The following EYS variants were observed in gnomAD, a reference collection of about 807,000 sequenced individuals.
EYS encodes EGF-like photoreceptor maintenance factor.
In EYS, 250 loss-of-function variants were observed where a neutral mutation model predicts 282.1. The ratio of observed to expected loss-of-function variants is 0.89; its 90% confidence interval spans 0.80 to 0.98. The LOEUF (loss-of-function observed/expected upper bound fraction) is 0.98. Ranked by LOEUF, EYS falls within the 50% of genes least tolerant of loss-of-function variation. The probability of loss-of-function intolerance (pLI) is 0.00; values close to 1 mark genes in which losing one functional copy is unlikely to be tolerated. For missense variants in EYS, 4,016 were observed against 3,709.0 expected, an observed-to-expected ratio of 1.08 and a Z score of -2.15; for synonymous variants, 1,355 against 1,282.9, an observed-to-expected ratio of 1.06 and a Z score of -1.20.
chr6:65,383,534 T>A (rs1385382713), intron 8 of EYS, among the ~76,000 whole-genome samples: 1 of 151,754 alleles, frequency 6.6e-6, no homozygotes, highest in East Asian at 1.9e-4. Context: ...TTATTTATTC[T>A]ATCTTCATGT....
chr6:64,457,111 A>C (rs945694265), intron 26 of EYS, among the ~76,000 whole-genome samples: 1 of 151,874 alleles, frequency 6.6e-6, no homozygotes, highest in South Asian at 2.1e-4. Flanking sequence ...ACTTCCTTTC[A>C]ATTTATTTAT....
At chr6:65,455,597 A>G (rs1764571306) in intron 5 of EYS, among the ~76,000 whole-genome samples, 1 of 152,148 alleles carries the variant, frequency 6.6e-6, no homozygotes, top group Non-Finnish European at 1.5e-5. Flanking sequence ...GAAATACAAA[A>G]GGAGATGTGA....
intron 22 of EYS, among the ~76,000 whole-genome samples, chr6:64,770,516 A>T (rs1041917668): frequency 6.6e-6 from 1 of 152,078 alleles, no homozygotes; most frequent in African/African-American, 2.4e-5. Flanking sequence ...TCACCAGTGT[A>T]CTTTAATAGA....
intron 22 of EYS, among the ~76,000 whole-genome samples, chr6:64,706,513 A>G (rs1156801932): frequency 6.6e-6 from 1 of 152,170 alleles, no homozygotes; most frequent in African/African-American, 2.4e-5. Flanking sequence ...TAATCAGTAG[A>G]CTAAATAGAC....
intron 12 of EYS, among the ~76,000 whole-genome samples, chr6:65,228,347 C>A (rs1766682372): frequency 6.6e-6 from 1 of 151,932 alleles, no homozygotes; most frequent in Admixed American, 6.6e-5. Context: ...TACATGTGTT[C>A]CACATGGTTA....
chr6:64,770,246 T>C (rs769411143), intron 22 of EYS, among the ~76,000 whole-genome samples: 28 of 151,908 alleles, frequency 1.8e-4, no homozygotes, highest in Admixed American at 4.6e-4. Context: ...ATATTTCAGG[T>C]GGAAAGGATA....
intron 14 of EYS, among the ~76,000 whole-genome samples, chr6:64,970,208 C>T (rs184373131): frequency 6.6e-6 from 1 of 151,740 alleles, no homozygotes; most frequent in African/African-American, 2.4e-5. Flanking sequence ...TATGTAGATA[C>T]TAGTTTATCG....
At chr6:65,292,833 G>A (rs1768563726) in intron 12 of EYS, among the ~76,000 whole-genome samples, 1 of 151,678 alleles carries the variant, frequency 6.6e-6, no homozygotes, top group Admixed American at 6.6e-5. Context: ...GTTTTGTGTT[G>A]CCAAGGTAAC....
intron 24 of EYS, among the ~76,000 whole-genome samples, chr6:64,602,678 T>A (rs576356926): frequency 2.8e-4 from 42 of 152,012 alleles, no homozygotes; most frequent in Admixed American, 4.6e-4. Flanking sequence ...AATTTAGCAA[T>A]TTGAAAACTA....
At chr6:64,297,998 AAT>A (rs1248538442) in intron 30 of EYS, among the ~76,000 whole-genome samples, 8 of 149,996 alleles carry the variant, frequency 5.3e-5, no homozygotes, top group African/African-American at 2.0e-4. Flanking sequence ...AAAAAAAAAA[AAT>A]TAGGTAGAAA....
chr6:64,959,992 T>C (rs1383253055), intron 14 of EYS, among the ~76,000 whole-genome samples: 3 of 151,900 alleles, frequency 2.0e-5, no homozygotes, highest in Non-Finnish European at 4.4e-5. Context: ...GAGAGAAATT[T>C]GTATTACTGA....
intron 2 of EYS, among the ~76,000 whole-genome samples, chr6:65,638,892 G>C (rs919963219): frequency 6.6e-6 from 1 of 152,202 alleles, no homozygotes; most frequent in Non-Finnish European, 1.5e-5. Context: ...GAGGTTTCCA[G>C]CTGGAAAAGC....
At chr6:65,124,122 T>C (rs1775648966) in intron 12 of EYS, among the ~76,000 whole-genome samples, 1 of 152,000 alleles carries the variant, frequency 6.6e-6, no homozygotes, top group Admixed American at 6.6e-5. Context: ...GCAATCAGCC[T>C]AGATTGTACC....
intron 10 of EYS, among the ~76,000 whole-genome samples, chr6:65,340,740 GTGT>G (rs1429236069): frequency 1.3e-5 from 2 of 151,130 alleles, no homozygotes. Flanking sequence ...CTCTACTAAG[GTGT>G]TGTTTTCCCT....
At chr6:64,095,263 C>A (rs148265861) in intron 31 of EYS, among the ~76,000 whole-genome samples, 14 of 152,246 alleles carry the variant, frequency 9.2e-5, no homozygotes, top group East Asian at 3.9e-4. Flanking sequence ...GTAGATGTCT[C>A]TTAGGTCCAT....
chr6:64,768,763 C>A lies in EYS; in HGVS notation c.3443+44615G>T, dbSNP rs192293016. Among the ~76,000 whole-genome samples, 7 of 152,234 alleles carry A rather than the reference C, an allele frequency of 4.6e-5. No individual in the cohort carries two copies. In the East Asian group the frequency reaches 1.4e-3, roughly 29 times the overall value. ...AAAATCAGTTTTCCATGAACCACCT[C>A]AATGAGCAAAGCCCTGACTGCTAGA... is the stretch of plus-strand genomic sequence containing the variant. On this transcript the variant is annotated intron_variant, in intron 22 of 42. Coordinates refer to ENST00000503581, the MANE Select transcript of EYS (RefSeq NM_001142800.2).
At chr6:65,104,543 T>C (rs1327032384) in intron 12 of EYS, among the ~76,000 whole-genome samples, 2 of 151,450 alleles carry the variant, frequency 1.3e-5, no homozygotes, top group East Asian at 1.9e-4. Context: ...ATGGAAAAAA[T>C]TGGAAGTAAC....
At chr6:64,720,182 G>T (rs751911805) in intron 22 of EYS, among the ~76,000 whole-genome samples, 33 of 152,276 alleles carry the variant, frequency 2.2e-4, no homozygotes, top group Non-Finnish European at 4.0e-4. Flanking sequence ...GCTGCCAGCA[G>T]CTGTTAGCTT....
intron 13 of EYS, among the ~76,000 whole-genome samples, chr6:65,008,171 T>C (rs1771744818): frequency 6.6e-6 from 1 of 152,136 alleles, no homozygotes; most frequent in African/African-American, 2.4e-5. Flanking sequence ...AGGAAGACTA[T>C]GAATTATTCA....
Sources: allele counts gnomAD v4.1 joint callset (sites outside exome capture counted in the v4.1 genomes callset), GRCh38; gene constraint gnomAD v4.1.1; transcripts MANE v1.5; gene names NCBI Gene and HGNC (gene_info 2026-07-23, HGNC 2026-07-21).